HECW2: variants seen among roughly 807,000 people sequenced by gnomAD.
The protein encoded by HECW2 is HECT, C2 and WW domain containing E3 ubiquitin protein ligase 2.
HECW2 carries 61 observed loss-of-function variants against 175.2 expected under a neutral mutation model. The observed-to-expected ratio is 0.35, with a 90% CI of 0.28 to 0.43. The LOEUF (loss-of-function observed/expected upper bound fraction) is 0.43, where lower values mean the gene tolerates loss of function less well. HECW2 is among the 20% of genes least tolerant of loss of function. The pLI is 1.00. For synonymous variants in HECW2, 671 were observed against 731.0 expected, an observed-to-expected ratio of 0.92 and a Z score of 1.32; for missense variants, 1,524 against 2,000.5, an observed-to-expected ratio of 0.76 and a Z score of 4.54.
At chr2:196,350,192 C>T (rs998836449) in intron 2 of HECW2, among the ~76,000 whole-genome samples, 2 of 152,006 alleles carry the variant, frequency 1.3e-5, no homozygotes, top group East Asian at 1.9e-4. Context: ...GGTGAAACCT[C>T]GACTCTAATA....
intron 1 of HECW2, among the ~76,000 whole-genome samples, chr2:196,484,277 T>C (rs1686933259): frequency 1.3e-5 from 2 of 152,240 alleles, no homozygotes; most frequent in South Asian, 2.1e-4. Context: ...ACCTTGCTAT[T>C]GATTCCACTC....
intron 1 of HECW2, among the ~76,000 whole-genome samples, chr2:196,507,701 T>G (rs900616910): frequency 6.6e-6 from 1 of 152,190 alleles, no homozygotes; most frequent in Non-Finnish European, 1.5e-5. Context: ...ATTATTTCCA[T>G]GGAAAAATGC....
chr2:196,223,409 G>T (rs570639304), intron 23 of HECW2, among the ~76,000 whole-genome samples: 1 of 152,232 alleles, frequency 6.6e-6, no homozygotes, highest in Admixed American at 6.5e-5. Flanking sequence ...AATCTTTCAG[G>T]ATGTTTAAAA....
chr2:196,521,282 C>CAA (rs1158051512), intron 1 of HECW2, among the ~76,000 whole-genome samples: 8,372 of 53,502 alleles, frequency 0.16, 1,081 homozygotes, highest in African/African-American at 0.29. Flanking sequence ...ACGTGAGTAA[C>CAA]AAAAAAAAAA....
At chr2:196,453,092 TTCTGC>T (rs748963468) in intron 1 of HECW2, among the ~76,000 whole-genome samples, 1 of 152,212 alleles carries the variant, frequency 6.6e-6, no homozygotes, top group African/African-American at 2.4e-5. Flanking sequence ...TTTGTATTTG[TTCTGC>T]CTACAGAGAC....
chr2:196,212,359 C>G (rs569816583), intron 28 of HECW2, among the ~76,000 whole-genome samples: 1 of 152,260 alleles, frequency 6.6e-6, no homozygotes, highest in Admixed American at 6.5e-5. Context: ...TGACCCTCCA[C>G]CCTCCATTAG....
At chr2:196,463,396 T>G (rs1398687917) in intron 1 of HECW2, among the ~76,000 whole-genome samples, 3 of 127,460 alleles carry the variant, frequency 2.4e-5, no homozygotes, top group African/African-American at 9.3e-5. Context: ...ACCACCACCC[T>G]CTACCCTGCA....
intron 1 of HECW2, among the ~76,000 whole-genome samples, chr2:196,589,274 G>T (rs1276205756): frequency 6.6e-6 from 1 of 152,144 alleles, no homozygotes; most frequent in Non-Finnish European, 1.5e-5. Flanking sequence ...AGTGGAGTGA[G>T]TTTGGGAAAG....
intron 19 of HECW2, among the ~76,000 whole-genome samples, chr2:196,253,124 A>G (rs1229572978): frequency 6.6e-6 from 1 of 152,258 alleles, no homozygotes; most frequent in Non-Finnish European, 1.5e-5. Context: ...ATTAGGCTGC[A>G]TCTTCATTAT....
chr2:196,307,761 T>A lies in HECW2; in HGVS notation c.2585+174A>T, dbSNP rs577672009. On this transcript the variant is annotated intron_variant, in intron 11 of 28. Transcript: ENST00000644978. The stretch of plus-strand genomic sequence containing the variant: ...ATATATGTGGGTGAGTATTATTATT[T>A]TTTTTTAATCAAGAGAAGTCCAATT... Among the ~76,000 whole-genome samples the A allele has an allele frequency of 5.9e-5, 9 of 152,310 alleles. No homozygotes were observed. The East Asian group carries it at 7.7e-4, about 13-fold the overall frequency.
At chr2:196,357,363 T>C (rs1014930394) in intron 2 of HECW2, among the ~76,000 whole-genome samples, 2 of 152,076 alleles carry the variant, frequency 1.3e-5, no homozygotes, top group East Asian at 3.9e-4. Context: ...CTCTAAGCCC[T>C]CTCCAAGTCA....
chr2:196,485,938 C>T (rs1053859012), intron 1 of HECW2, among the ~76,000 whole-genome samples: 1 of 152,194 alleles, frequency 6.6e-6, no homozygotes, highest in African/African-American at 2.4e-5. Context: ...ACTTTCAAAA[C>T]ACAGGAAGCT....
intron 1 of HECW2, among the ~76,000 whole-genome samples, chr2:196,535,987 C>T (rs1207568460): frequency 1.3e-5 from 2 of 152,102 alleles, no homozygotes; most frequent in Non-Finnish European, 2.9e-5. Context: ...TCCACTCTAA[C>T]ATCTATCAAA....
At chr2:196,202,932 C>A (rs1252147022) in intron 28 of HECW2, among the ~76,000 whole-genome samples, 1 of 152,156 alleles carries the variant, frequency 6.6e-6, no homozygotes, top group Non-Finnish European at 1.5e-5. Flanking sequence ...GTTTCACATG[C>A]ACCTTGTATA....
At chr2:196,471,108 A>G (rs984584647) in intron 1 of HECW2, among the ~76,000 whole-genome samples, 1 of 152,130 alleles carries the variant, frequency 6.6e-6, no homozygotes, top group African/African-American at 2.4e-5. Context: ...CATGAATGCA[A>G]TAAAGTACAC....
At chr2:196,252,879 A>G (rs1044101721) in intron 19 of HECW2, among the ~76,000 whole-genome samples, 2 of 145,424 alleles carry the variant, frequency 1.4e-5, no homozygotes, top group Non-Finnish European at 3.0e-5. Flanking sequence ...CCCTGAAAGA[A>G]TAATTGTTCC....
At chr2:196,580,074 T>C (rs1690715350) in intron 1 of HECW2, among the ~76,000 whole-genome samples, 1 of 152,192 alleles carries the variant, frequency 6.6e-6, no homozygotes, top group African/African-American at 2.4e-5. Flanking sequence ...CAAAAATTGT[T>C]ACTTAAGACA....
intron 19 of HECW2, among the ~76,000 whole-genome samples, chr2:196,246,327 A>C (rs1405437097): frequency 6.6e-6 from 1 of 152,202 alleles, no homozygotes; most frequent in Non-Finnish European, 1.5e-5. Context: ...AAAATCATTG[A>C]TAAGAGAGAG....
intron 1 of HECW2, among the ~76,000 whole-genome samples, chr2:196,482,007 G>T (rs1226382350): frequency 1.3e-5 from 2 of 152,118 alleles, no homozygotes; most frequent in Admixed American, 6.5e-5. Flanking sequence ...TACATAATTT[G>T]CAGGGCTTAA....
Sources: allele counts gnomAD v4.1 joint callset (sites outside exome capture counted in the v4.1 genomes callset), GRCh38; gene constraint gnomAD v4.1.1; transcripts MANE v1.5; gene names NCBI Gene and HGNC (gene_info 2026-07-23, HGNC 2026-07-21).